ITIH2: variants seen among roughly 807,000 people sequenced by gnomAD.
The protein encoded by ITIH2 is inter-alpha-trypsin inhibitor heavy chain 2.
A neutral mutation model predicts 104.4 loss-of-function variants in ITIH2; 103 were observed. The observed-to-expected ratio is 0.99, with a 90% CI of 0.84 to 1.16. The LOEUF (loss-of-function observed/expected upper bound fraction) is 1.16. Ranked by LOEUF, ITIH2 falls within the 50% of genes most tolerant of loss-of-function variation. The pLI is 0.00. For synonymous variants in ITIH2, 436 were observed against 435.4 expected (o/e 1.00, Z -0.02); for missense variants, 1,108 against 1,162.4 (o/e 0.95, Z 0.68).
chr10:7,727,946 C>G (rs1344146394), intron 11 of ITIH2, 118 bp downstream of exon 11: 1 of 1,177,344 alleles, frequency 8.5e-7, no homozygotes. Flanking sequence ...ACATTTTAAA[C>G]CCATGCTTCC....
At chr10:7,748,343 T>C (rs1376174461) in intron 20 of ITIH2, among the ~76,000 whole-genome samples, 1 of 149,004 alleles carries the variant, frequency 6.7e-6, no homozygotes, top group South Asian at 2.1e-4. Context: ...GAAACTGAGC[T>C]GTCCCGTGGG....
intron 1 of ITIH2, among the ~76,000 whole-genome samples, chr10:7,703,730 A>G (rs1424861835): frequency 2.0e-5 from 3 of 152,246 alleles, no homozygotes; most frequent in Admixed American, 6.5e-5. Context: ...AGTCAAGATC[A>G]ATGGGCAGGC....
At chr10:7,723,418 T>G (rs933793770) in intron 8 of ITIH2, 33 bp from the exon 9 acceptor site, 1 of 1,347,648 alleles carries the variant, frequency 7.4e-7, no homozygotes, top group Non-Finnish European at 1.1e-6. Flanking sequence ...ACACGAATCA[T>G]GATTTGACTC....
At chr10:7,731,719 C>A (rs554406362) in intron 12 of ITIH2, 92 bp from the exon 13 acceptor site, 2 of 930,704 alleles carry the variant, frequency 2.1e-6, no homozygotes, top group African/African-American at 1.7e-5. Flanking sequence ...AGTGAGACAT[C>A]GTCTCAAAAT....
At chr10:7,729,834 A>G (rs557787944) in intron 11 of ITIH2, 118 bp from the exon 12 acceptor site, 48 of 585,602 alleles carry the variant, frequency 8.2e-5, no homozygotes, top group Non-Finnish European at 1.2e-4. Context: ...TTACTGGGTC[A>G]AAAGGGAAAT....
At position 7,730,080 on chromosome 10, in the gene ITIH2, C is replaced by G; in HGVS notation, c.1408C>G (p.His470Asp). Residue 470 changes from histidine to aspartate, a missense_variant, in exon 12 of 21, where the codon CAT (histidine) becomes GAT (aspartate). By Grantham distance (81) the His-to-Asp change is moderately conservative. Transcript: ENST00000358415. Reference sequence around the variant, plus strand: ...TTTGAAGAGACTGTCCAATGAAAACCATGGAATTGCACAAAGGATTTATGG... The same window carrying G: ...TTTGAAGAGACTGTCCAATGAAAACGATGGAATTGCACAAAGGATTTATGG... ...DFLKRLSNEN[H>D]GIAQRIYGNQ... 1 of 1,612,892 alleles carries G rather than the reference C, an allele frequency of 6.2e-7. No individual in the cohort carries two copies. The highest frequency in any genetic ancestry group is 8.5e-7 in the Non-Finnish European group (1 of 1,179,282).
chr10:7,704,014 C>G (rs571720499), intron 1 of ITIH2, among the ~76,000 whole-genome samples: 1 of 152,182 alleles, frequency 6.6e-6, no homozygotes, highest in Non-Finnish European at 1.5e-5. Flanking sequence ...GTAATAAGAG[C>G]ACTTTAAGTA....
chr10:7,748,521 C>CTTTTTTTT (rs549517172), intron 20 of ITIH2, among the ~76,000 whole-genome samples: 1,633 of 27,122 alleles, frequency 0.06, 684 homozygotes, highest in Non-Finnish European at 0.08. Flanking sequence ...CCAATGCATT[C>CTTTTTTTT]TTTTTTTTTT....
intron 5 of ITIH2, among the ~76,000 whole-genome samples, chr10:7,713,640 AG>A (rs1834818323): frequency 1.3e-5 from 2 of 152,206 alleles, no homozygotes; most frequent in Admixed American, 1.3e-4. Context: ...CAGAAGGAAA[AG>A]TTTGAAATTT....
In ITIH2 at chr10:7,735,061, G is replaced by A. The variant is rs751835115; in HGVS notation, c.1927G>A (p.Ala643Thr). 28 of 1,611,330 alleles carry A rather than the reference G, an allele frequency of 1.7e-5. No individual in the cohort carries two copies. Among genetic ancestry groups the A allele is most frequent in the Non-Finnish European group, 2.1e-5 (25 of 1,179,924 alleles). Reference sequence around the variant, plus strand: ...TGGGGATGAGCGCATGCTGGCGGATGCCCCACCGCAGGATCCCTCCTGCTG... The same window carrying A: ...TGGGGATGAGCGCATGCTGGCGGATACCCCACCGCAGGATCCCTCCTGCTG... Reference protein sequence around the residue: ...EAGDERMLADAPPQDPSCCSG... With the variant: ...EAGDERMLADTPPQDPSCCSG... The change falls in exon 15 of 21, where the codon GCC (alanine) becomes ACC (threonine). Residue 643 changes from alanine (A) to threonine (T), a missense_variant. Coordinates refer to ENST00000358415, the MANE Select transcript of ITIH2 (RefSeq NM_002216.3).
In ITIH2 at chr10:7,749,355, T is replaced by C; in HGVS notation, c.*21T>C. ...CTTAAAGGTTTATAGTTTGGGAAAT[T>C]ATATATATTAATATACATCTTTCCC... On this transcript the variant is annotated 3_prime_UTR_variant, in exon 21 of 21. Coordinates refer to ENST00000358415, the MANE Select transcript of ITIH2 (RefSeq NM_002216.3). 6.3e-7 allele frequency: 1 copy of C among 1,592,110 alleles called. No individual in the cohort carries two copies. Among genetic ancestry groups the C allele is most frequent in the Non-Finnish European group, 8.6e-7 (1 of 1,161,586 alleles).
At chr10:7,740,176 ACT>A (rs1835111063) in intron 16 of ITIH2, among the ~76,000 whole-genome samples, 1 of 152,146 alleles carries the variant, frequency 6.6e-6, no homozygotes, top group Admixed American at 6.5e-5. Context: ...ACAGAGCAAG[ACT>A]CTGTCTCAAA....
At position 7,720,865 on chromosome 10, in the gene ITIH2, T is replaced by C. The variant is rs143991570; in HGVS notation, c.640T>C (p.Trp214Arg). 6.2e-7 allele frequency: 1 copy of C among 1,604,348 alleles called. No individual in the cohort carries two copies. Among genetic ancestry groups the C allele is most frequent in the Non-Finnish European group, 8.5e-7 (1 of 1,171,214 alleles). The stretch of plus-strand genomic sequence containing the variant: ...TCTCTTGCATCTCTAGGTAGATGTG[T>C]GGGTTATCGAACCACAGGGACTGAG... Reference protein sequence around the residue: ...RLAKHLEVDVWVIEPQGLRFL... With the variant: ...RLAKHLEVDVRVIEPQGLRFL... Residue 214 changes from tryptophan to arginine, a missense_variant, in exon 7 of 21, where the codon TGG (tryptophan) becomes CGG (arginine). Transcript: ENST00000358415.
intron 2 of ITIH2, among the ~76,000 whole-genome samples, chr10:7,706,520 T>A (rs1455239975): frequency 6.6e-6 from 1 of 152,186 alleles, no homozygotes; most frequent in Non-Finnish European, 1.5e-5. Flanking sequence ...CCTCAGGGGT[T>A]ACACTGTGGA....
intron 16 of ITIH2, among the ~76,000 whole-genome samples, chr10:7,741,957 A>C (rs368788023): frequency 1.3e-5 from 2 of 152,188 alleles, no homozygotes; most frequent in African/African-American, 4.8e-5. Flanking sequence ...GACAGTTCAG[A>C]AGCCACCTCC....
chr10:7,727,453 C>A (rs1834960626), intron 10 of ITIH2, among the ~76,000 whole-genome samples: 1 of 152,174 alleles, frequency 6.6e-6, no homozygotes, highest in Non-Finnish European at 1.5e-5. Flanking sequence ...GTTTAACAAG[C>A]TAACAGTCTG....
chr10:7,706,307 C>T (rs1834746753), intron 2 of ITIH2, among the ~76,000 whole-genome samples: 1 of 152,178 alleles, frequency 6.6e-6, no homozygotes, highest in Non-Finnish European at 1.5e-5. Flanking sequence ...GCAAGCTGAG[C>T]TTATATCCAA....
chr10:7,734,539 A>T (rs1251927712), intron 14 of ITIH2, among the ~76,000 whole-genome samples: 2 of 152,168 alleles, frequency 1.3e-5, no homozygotes, highest in African/African-American at 2.4e-5. Flanking sequence ...TACAAAAAAT[A>T]CAAGAATTAG....
intron 9 of ITIH2, among the ~76,000 whole-genome samples, chr10:7,725,270 G>T (rs1311417703): frequency 1.3e-5 from 2 of 152,232 alleles, no homozygotes; most frequent in Non-Finnish European, 2.9e-5. Flanking sequence ...TAAATAGGTG[G>T]TTTCCTGGAG....
Sources: allele counts gnomAD v4.1 joint callset (sites outside exome capture counted in the v4.1 genomes callset), GRCh38; gene constraint gnomAD v4.1.1; transcripts MANE v1.5; gene names NCBI Gene and HGNC (gene_info 2026-07-23, HGNC 2026-07-21).